The following ADAMTSL1 variants were observed in gnomAD, a reference collection of about 807,000 sequenced individuals.
ADAMTSL1 encodes the protein ADAMTS like 1, also known as ADAMTS-like protein 1.
Under a neutral mutation model 201.8 loss-of-function variants are expected in ADAMTSL1, and 126 were observed. The observed-to-expected ratio is 0.62, with a 90% CI of 0.54 to 0.72. ADAMTSL1 has a LOEUF of 0.72. Among genes scored for constraint, ADAMTSL1 ranks in the 30% least tolerant of loss-of-function variants. The pLI is 0.00. For missense variants in ADAMTSL1, 2,679 were observed against 2,277.8 expected, an observed-to-expected ratio of 1.18 and a Z score of -3.59; for synonymous variants, 1,121 against 903.4, an observed-to-expected ratio of 1.24 and a Z score of -4.32.
chr9:18,812,760 A>G (rs1166751886), intron 20 of ADAMTSL1, among the ~76,000 whole-genome samples: 2 of 152,104 alleles, frequency 1.3e-5, no homozygotes, highest in African/African-American at 4.8e-5. Flanking sequence ...AGCACCATTT[A>G]TTGAGGAGAC....
intron 4 of ADAMTSL1, among the ~76,000 whole-genome samples, chr9:18,604,788 A>C (rs1824904656): frequency 6.6e-6 from 1 of 152,212 alleles, no homozygotes; most frequent in African/African-American, 2.4e-5. Flanking sequence ...AAGTAGCATT[A>C]CAGAATCACG....
intron 9 of ADAMTSL1, among the ~76,000 whole-genome samples, chr9:18,670,238 G>A (rs1360059216): frequency 1.3e-5 from 2 of 152,072 alleles, no homozygotes; most frequent in Admixed American, 1.3e-4. Context: ...CTAGAGTCTG[G>A]GCCCCCACAC....
rs535629377 is a variant in ADAMTSL1 at position 18,159,000 on chromosome 9, T to C, written c.88-4862T>C. 4.1e-4 allele frequency among the ~76,000 whole-genome samples: 63 copies of C among 152,202 alleles called. 2 individuals carry two copies. The South Asian group carries it at 0.013, about 31-fold the overall frequency. ...CAATAAATGTTTCTATTCAGCTATTTATCCATTAAACATTTGCATGTTCTA... is the reference window on the plus strand; with the variant it reads ...CAATAAATGTTTCTATTCAGCTATTCATCCATTAAACATTTGCATGTTCTA... On this transcript the variant is annotated intron_variant, in intron 1 of 29. Coordinates refer to the ADAMTSL1 transcript ENST00000680146.
At chr9:18,791,087 G>A (rs963344061) in intron 19 of ADAMTSL1, among the ~76,000 whole-genome samples, 5 of 152,146 alleles carry the variant, frequency 3.3e-5, no homozygotes, top group African/African-American at 9.7e-5. Flanking sequence ...AGCAACTAGC[G>A]AATTAAGCTA....
chr9:18,384,443 A>G (rs926668884), intron 2 of ADAMTSL1, among the ~76,000 whole-genome samples: 105 of 152,280 alleles, frequency 6.9e-4, no homozygotes, highest in African/African-American at 2.4e-3. Context: ...GCCAAACCAT[A>G]TCAGTACCTG....
chr9:18,633,235 G>C (rs1214531820), intron 5 of ADAMTSL1, among the ~76,000 whole-genome samples: 1 of 152,162 alleles, frequency 6.6e-6, no homozygotes, highest in African/African-American at 2.4e-5. Context: ...TGTTTTAACT[G>C]CTTTGAGTTT....
At chr9:18,568,565 C>T (rs1338889561) in intron 3 of ADAMTSL1, among the ~76,000 whole-genome samples, 1 of 152,092 alleles carries the variant, frequency 6.6e-6, no homozygotes, top group African/African-American at 2.4e-5. Flanking sequence ...ACGTGGTTAT[C>T]CGCAGTTGTT....
chr9:18,553,370 C>G (rs996802280), intron 3 of ADAMTSL1, among the ~76,000 whole-genome samples: 1 of 151,772 alleles, frequency 6.6e-6, no homozygotes, highest in Middle Eastern at 3.4e-3. Context: ...CATGTCTCTT[C>G]AAACACTTTA....
intron 20 of ADAMTSL1, among the ~76,000 whole-genome samples, chr9:18,807,396 G>A (rs146732783): frequency 0.013 from 1,962 of 152,290 alleles, 37 homozygotes; most frequent in African/African-American, 0.044. Flanking sequence ...TGAAATCCCA[G>A]CACTCTGGGA....
intron 1 of ADAMTSL1, among the ~76,000 whole-genome samples, chr9:18,070,763 C>T (rs886290472): frequency 6.6e-6 from 1 of 152,000 alleles, no homozygotes; most frequent in Non-Finnish European, 1.5e-5. Flanking sequence ...GCTAGATAGA[C>T]AGAAGAGAGG....
chr9:18,794,633 TTTG>T (rs1271537895), intron 19 of ADAMTSL1, among the ~76,000 whole-genome samples: 2 of 114,858 alleles, frequency 1.7e-5, no homozygotes, highest in East Asian at 5.9e-4. Flanking sequence ...GTTGTTTTTT[TTTG>T]TTGTTGTTGT....
chr9:18,719,018 C>T (rs1025456404), intron 14 of ADAMTSL1, among the ~76,000 whole-genome samples: 1 of 152,232 alleles, frequency 6.6e-6, no homozygotes, highest in Non-Finnish European at 1.5e-5. Flanking sequence ...AGTGACTTCT[C>T]ATCACTACCT....
chr9:18,163,371 T>C (rs1221565649), intron 1 of ADAMTSL1, among the ~76,000 whole-genome samples: 4 of 151,996 alleles, frequency 2.6e-5, no homozygotes, highest in Admixed American at 2.0e-4. Flanking sequence ...CTAAAGTACA[T>C]CTGGTTCTAA....
At chr9:18,330,884 C>G (rs971087459) in intron 2 of ADAMTSL1, among the ~76,000 whole-genome samples, 1 of 152,132 alleles carries the variant, frequency 6.6e-6, no homozygotes, top group African/African-American at 2.4e-5. Flanking sequence ...CAGTTACATG[C>G]CAGGGACTGT....
At position 18,488,191 on chromosome 9, in the gene ADAMTSL1, A is replaced by G. The variant is rs141307238; in HGVS notation, c.63+13896A>G. Among the ~76,000 whole-genome samples the G allele has an allele frequency of 7.8e-3, 1,183 of 152,160 alleles. 9 individuals are homozygous for G. The highest frequency in any genetic ancestry group is 0.011 in the Non-Finnish European group (729 of 67,982). ...CCGCCTTTATTTACTGATCTCCCCA[A>G]TCTGAGGGCCTGGAGAGAGTCTGTA... On this transcript the variant is annotated intron_variant, in intron 1 of 28. Transcript: ENST00000380548.
At chr9:18,814,697 C>T (rs761551733) in intron 20 of ADAMTSL1, among the ~76,000 whole-genome samples, 10 of 152,046 alleles carry the variant, frequency 6.6e-5, no homozygotes, top group Non-Finnish European at 1.2e-4. Context: ...AACACGTGGA[C>T]ACAGAGGGAA....
intron 2 of ADAMTSL1, among the ~76,000 whole-genome samples, chr9:18,229,790 G>C (rs548728362): frequency 6.6e-6 from 1 of 151,924 alleles, no homozygotes; most frequent in African/African-American, 2.4e-5. Flanking sequence ...CCACCTCCCG[G>C]GTTCAAGCAA....
intron 3 of ADAMTSL1, among the ~76,000 whole-genome samples, chr9:18,568,331 G>C (rs904348289): frequency 1.3e-5 from 2 of 152,120 alleles, no homozygotes; most frequent in Non-Finnish European, 2.9e-5. Context: ...ATGTAAAAGA[G>C]GCAGCCCACC....
In ADAMTSL1 at chr9:18,721,648, G is replaced by C. The variant is rs1833387737; in HGVS notation, c.1989G>C (p.Leu663Phe). The stretch of plus-strand genomic sequence containing the variant: ...CACAGCTCCTGAAGTCCTGCAATTT[G>C]GATCCCTGCCCAGCAAGGTAAGGGA... ...RPPQLLKSCN[L>F]DPCPARWEIG... is the part of the protein sequence containing the mutation. Residue 663 changes from leucine (L) to phenylalanine (F), a missense_variant, in exon 15 of 29, where the codon TTG becomes TTC. Transcript: ENST00000380548. 6.2e-7 allele frequency: 1 copy of C among 1,613,940 alleles called. No homozygotes were observed. The highest frequency in any genetic ancestry group is 8.5e-7 in the Non-Finnish European group (1 of 1,179,858).
Sources: gnomAD v4.1 joint callset for allele counts (sites outside exome capture counted in the v4.1 genomes callset) on GRCh38, gnomAD v4.1.1 for gene constraint, MANE v1.5 for transcripts, NCBI Gene and HGNC (gene_info 2026-07-23, HGNC 2026-07-21) for gene names.